The following KIF13B variants were observed in gnomAD, a reference collection of about 807,000 sequenced individuals.
The protein encoded by KIF13B is kinesin-like protein KIF13B.
In KIF13B, 127 loss-of-function variants were observed where a neutral mutation model predicts 222.0. The ratio of observed to expected loss-of-function variants is 0.57; its 90% CI spans 0.50 to 0.66. The LOEUF (loss-of-function observed/expected upper bound fraction) is 0.66. Ranked by LOEUF, KIF13B falls within the 30% of genes least tolerant of loss-of-function variation. The pLI is 0.00. For synonymous variants in KIF13B, 976 were observed against 919.0 expected (o/e 1.06, Z -1.12); for missense variants, 2,173 against 2,379.0 (o/e 0.91, Z 1.80).
At chr8:29,092,600 G>A in intron 37 of KIF13B, 145 bp downstream of exon 37, 1 of 766,002 alleles carries the variant, frequency 1.3e-6, no homozygotes, top group Non-Finnish European at 2.0e-6. Context: ...GAGAGTGGCG[G>A]AGAAAAGACC....
At chr8:29,258,696 G>A (rs548671926) in intron 1 of KIF13B, among the ~76,000 whole-genome samples, 4 of 152,024 alleles carry the variant, frequency 2.6e-5, no homozygotes, top group African/African-American at 9.7e-5. Flanking sequence ...CCCCTCTCCC[G>A]TGCTCACATC....
rs536043757 is a variant in KIF13B, at chr8:29,093,914, G to C, written c.4325-1036C>G. Among the ~76,000 whole-genome samples, 146 of 152,190 alleles carry C rather than the reference G, an allele frequency of 9.6e-4. 1 individual carries two copies. The highest frequency in any genetic ancestry group is 6.2e-3 in the South Asian group (30 of 4,812). The stretch of plus-strand genomic sequence containing the variant: ...ACAAAAACAAGGATGAGAAAAATAA[G>C]AGAGGAGACAGAAAATAAAATAGGG... On this transcript the variant is annotated intron_variant, in intron 36 of 39. Transcript: ENST00000524189.
intron 14 of KIF13B, among the ~76,000 whole-genome samples, chr8:29,155,325 T>C (rs1811470693): frequency 1.3e-5 from 2 of 152,112 alleles, no homozygotes; most frequent in South Asian, 4.1e-4. Flanking sequence ...CAGGAGAACA[T>C]GGCAGCACTT....
chr8:29,087,813 T>C (rs1808109783), intron 37 of KIF13B, among the ~76,000 whole-genome samples: 1 of 151,854 alleles, frequency 6.6e-6, no homozygotes, highest in South Asian at 2.1e-4. Context: ...GCTGTTAAGA[T>C]GGGGGAGGTC....
At chr8:29,148,371 C>T (rs567943985) in intron 16 of KIF13B, among the ~76,000 whole-genome samples, 1 of 151,580 alleles carries the variant, frequency 6.6e-6, no homozygotes, top group East Asian at 1.9e-4. Context: ...TTGAAAGTCC[C>T]CAATCATAAA....
intron 14 of KIF13B, among the ~76,000 whole-genome samples, chr8:29,155,105 G>T (rs1811460207): frequency 6.6e-6 from 1 of 152,202 alleles, no homozygotes; most frequent in South Asian, 2.1e-4. Context: ...TTCCTCCATG[G>T]TGTATTAAGT....
chr8:29,130,551 T>C lies in KIF13B; in HGVS notation c.3057A>G (p.Gly1019=), dbSNP rs773584257. 3.7e-6 allele frequency: 6 copies of C among 1,613,840 alleles called. No individual in the cohort carries two copies. Among genetic ancestry groups the C allele is most frequent in the Non-Finnish European group, 3.4e-6 (4 of 1,179,776 alleles). The change falls in exon 24 of 40, where the codon GGA becomes GGG. Residue 1019 remains glycine, a synonymous_variant. Transcript: ENST00000524189. ...TTGTTACCTGCCGGAGCTGGAAGAT[T>C]CCTCCTGTTGGGACATCCTTTGCAG... The part of the protein sequence containing the change: ...VISAKDVPTG[G]IFQLRQGQSR...
chr8:29,250,437 T>C (rs965533820), intron 1 of KIF13B, among the ~76,000 whole-genome samples: 2 of 152,114 alleles, frequency 1.3e-5, no homozygotes, highest in Admixed American at 6.5e-5. Context: ...CTTGGAAGAA[T>C]TAAATGGTAT....
chr8:29,140,271 A>G (rs528588426), intron 20 of KIF13B, 80 bp from the exon 21 acceptor site: 6 of 1,568,806 alleles, frequency 3.8e-6, no homozygotes, highest in Non-Finnish European at 5.2e-6. Context: ...TCTCTTTTAC[A>G]GTCAAGTTGT....
intron 2 of KIF13B, among the ~76,000 whole-genome samples, chr8:29,206,302 C>T (rs574395957): frequency 2.0e-5 from 3 of 152,280 alleles, no homozygotes; most frequent in African/African-American, 4.8e-5. Flanking sequence ...ACTTGAAGTG[C>T]ATGGCACACG....
chr8:29,131,852 C>A (rs558111020), intron 23 of KIF13B, among the ~76,000 whole-genome samples: 1 of 152,302 alleles, frequency 6.6e-6, no homozygotes, highest in African/African-American at 2.4e-5. Context: ...GTGATTAATA[C>A]CCTGGAGACA....
In KIF13B at chr8:29,132,421, G is replaced by C. The variant is rs753890963; in HGVS notation, c.2829C>G (p.Ser943=). The change falls in exon 23 of 40, where the codon TCC becomes TCG. Residue 943 remains serine, a synonymous_variant. Coordinates refer to ENST00000524189, the MANE Select transcript of KIF13B (RefSeq NM_015254.4). The part of the protein sequence containing the change: ...NITEDFIEHL[S]EGALAIEVYG... Reference sequence around the variant, plus strand: ...ATACTTCAATTGCCAATGCTCCTTCGGAAAGATGCTCGATAAAGTCTTCGG... The same window carrying C: ...ATACTTCAATTGCCAATGCTCCTTCCGAAAGATGCTCGATAAAGTCTTCGG... The C allele has an allele frequency of 3.2e-6, 5 of 1,577,308 alleles. No homozygotes were observed. Among genetic ancestry groups the C allele is most frequent in the Non-Finnish European group, 4.3e-6 (5 of 1,159,968 alleles).
chr8:29,128,522 T>C (rs560346891), intron 24 of KIF13B, among the ~76,000 whole-genome samples: 1 of 152,302 alleles, frequency 6.6e-6, no homozygotes, highest in African/African-American at 2.4e-5. Flanking sequence ...GTGGGAAAAG[T>C]CCTAAAGAAA....
intron 15 of KIF13B, among the ~76,000 whole-genome samples, chr8:29,149,411 C>A (rs778396550): frequency 6.6e-6 from 1 of 152,166 alleles, no homozygotes; most frequent in Non-Finnish European, 1.5e-5. Context: ...TGGAGCACAC[C>A]GACCAGTGAC....
intron 2 of KIF13B, among the ~76,000 whole-genome samples, chr8:29,218,317 CT>C (rs1026599629): frequency 6.6e-6 from 1 of 152,178 alleles, no homozygotes; most frequent in Non-Finnish European, 1.5e-5. Context: ...TGACTACAAC[CT>C]GTCTAAAAAA....
rs913368252 is a variant in KIF13B at position 29,160,146 on chromosome 8, T to C, written c.1404+587A>G. Among the ~76,000 whole-genome samples the C allele has an allele frequency of 2.6e-5, 4 of 152,274 alleles. No individual in the cohort carries two copies. The East Asian group carries it at 5.8e-4, about 22-fold the overall frequency. On this transcript the variant is annotated intron_variant, in intron 13 of 39. Coordinates refer to ENST00000524189, the MANE Select transcript of KIF13B (RefSeq NM_015254.4). ...CTGAAGTTGTCTCTTATCTTACTAA[T>C]ATATCCCATGATTTATAGATTTCAG... is the stretch of plus-strand genomic sequence containing the variant.
intron 35 of KIF13B, among the ~76,000 whole-genome samples, chr8:29,104,241 C>T (rs766692104): frequency 3.3e-5 from 5 of 152,038 alleles, no homozygotes; most frequent in Admixed American, 2.0e-4. Flanking sequence ...CTGAGACCCT[C>T]GAAAATGGAA....
chr8:29,183,534 A>G (rs1040189610), intron 6 of KIF13B, among the ~76,000 whole-genome samples: 2 of 152,102 alleles, frequency 1.3e-5, no homozygotes, highest in East Asian at 3.8e-4. Flanking sequence ...GCTCCTTTAT[A>G]ATCTGCTCTT....
intron 1 of KIF13B, among the ~76,000 whole-genome samples, chr8:29,248,161 C>T (rs192810660): frequency 2.0e-5 from 3 of 152,042 alleles, no homozygotes; most frequent in East Asian, 1.9e-4. Context: ...AGTTAAACAG[C>T]GTTACCATCT....
Sources: allele counts gnomAD v4.1 joint callset (sites outside exome capture counted in the v4.1 genomes callset), GRCh38; gene constraint gnomAD v4.1.1; transcripts MANE v1.5; gene names NCBI Gene and HGNC (gene_info 2026-07-23, HGNC 2026-07-21).